The following NRXN3 variants were observed in gnomAD, a reference collection of about 807,000 sequenced individuals.
The protein encoded by NRXN3 is neurexin 3.
In NRXN3, 32 loss-of-function variants were observed where a neutral mutation model predicts 137.6. The observed-to-expected ratio is 0.23, with a 90% confidence interval of 0.18 to 0.31. The LOEUF (loss-of-function observed/expected upper bound fraction) is 0.31, where lower values mean the gene tolerates loss of function less well. Ranked by LOEUF, NRXN3 falls within the 10% of genes least tolerant of loss-of-function variation. NRXN3 has a pLI of 1.00. For synonymous variants in NRXN3, 798 were observed against 784.5 expected (o/e 1.02, Z -0.29); for missense variants, 1,574 against 2,062.5 (o/e 0.76, Z 4.59).
At chr14:79,121,937 T>TTTTG (rs554447646) in intron 15 of NRXN3, among the ~76,000 whole-genome samples, 1 of 152,206 alleles carries the variant, frequency 6.6e-6, no homozygotes, top group East Asian at 1.9e-4. Context: ...TTTAGTATTT[T>TTTTG]TTTGTTTGTT....
chr14:79,690,029 A>G (rs367612140), intron 17 of NRXN3, among the ~76,000 whole-genome samples: 131 of 152,294 alleles, frequency 8.6e-4, no homozygotes, highest in African/African-American at 2.9e-3. Flanking sequence ...TGTGTAGCCA[A>G]CAATGGCAGA....
At chr14:78,887,470 C>G (rs2099146861) in intron 10 of NRXN3, among the ~76,000 whole-genome samples, 2 of 151,930 alleles carry the variant, frequency 1.3e-5, no homozygotes, top group South Asian at 2.1e-4. Context: ...TTTGCACCAA[C>G]CTGATAACTC....
chr14:78,203,982 G>A (rs749461204), intron 1 of NRXN3, among the ~76,000 whole-genome samples: 7 of 151,958 alleles, frequency 4.6e-5, no homozygotes, highest in Non-Finnish European at 7.4e-5. Context: ...ATGTGAGCTT[G>A]TTACTGTGCC....
chr14:79,525,196 A>G (rs533136578), intron 16 of NRXN3, among the ~76,000 whole-genome samples: 1 of 152,112 alleles, frequency 6.6e-6, no homozygotes, highest in Non-Finnish European at 1.5e-5. Context: ...GGTCAGAAAA[A>G]CTTTTGCTTC....
chr14:79,115,152 C>T (rs1283409799), intron 15 of NRXN3, among the ~76,000 whole-genome samples: 1 of 151,814 alleles, frequency 6.6e-6, no homozygotes, highest in Non-Finnish European at 1.5e-5. Flanking sequence ...ATGGAGAAAC[C>T]CCGTCTCTAC....
At chr14:78,440,159 G>T (rs1238439683) in intron 4 of NRXN3, among the ~76,000 whole-genome samples, 1 of 152,246 alleles carries the variant, frequency 6.6e-6, no homozygotes, top group Non-Finnish European at 1.5e-5. Context: ...TACGTGAGTT[G>T]TGTGTCTTCC....
At chr14:78,351,782 CTTTTTT>C (rs11423743) in intron 4 of NRXN3, among the ~76,000 whole-genome samples, 1 of 127,868 alleles carries the variant, frequency 7.8e-6, no homozygotes, top group Non-Finnish European at 1.6e-5. Context: ...TGGTATTTTT[CTTTTTT>C]TTTTTTTTTT....
At chr14:79,387,401 A>G (rs2094667906) in intron 15 of NRXN3, among the ~76,000 whole-genome samples, 1 of 152,110 alleles carries the variant, frequency 6.6e-6, no homozygotes, top group South Asian at 2.1e-4. Flanking sequence ...AACCACAATG[A>G]GATACCATCT....
intron 1 of NRXN3, among the ~76,000 whole-genome samples, chr14:78,223,366 T>C (rs769860726): frequency 2.0e-5 from 3 of 152,260 alleles, no homozygotes; most frequent in Non-Finnish European, 4.4e-5. Flanking sequence ...GGACTGGTTT[T>C]CTATGGAGCA....
At chr14:79,269,057 T>C (rs2153422333) in intron 15 of NRXN3, among the ~76,000 whole-genome samples, 1 of 152,092 alleles carries the variant, frequency 6.6e-6, no homozygotes, top group Non-Finnish European at 1.5e-5. Flanking sequence ...TTTTATTTTA[T>C]TTTATTTTTT....
chr14:78,906,905 T>A (rs1458637781), intron 10 of NRXN3, among the ~76,000 whole-genome samples: 7 of 152,000 alleles, frequency 4.6e-5, no homozygotes, highest in Non-Finnish European at 1.0e-4. Flanking sequence ...TAACTGTGAC[T>A]TGGGGCATGT....
intron 1 of NRXN3, among the ~76,000 whole-genome samples, chr14:78,231,775 T>C (rs1463053743): frequency 1.3e-5 from 2 of 152,248 alleles, no homozygotes; most frequent in African/African-American, 4.8e-5. Flanking sequence ...TGACTTCACG[T>C]GTACCATACT....
intron 5 of NRXN3, chr14:78,649,231 A>C (rs1265273382): frequency 3.0e-6 from 4 of 1,332,332 alleles, no homozygotes; most frequent in Admixed American, 2.2e-5. Context: ...TTCTGTTCAC[A>C]ATTTTTAATT....
intron 15 of NRXN3, among the ~76,000 whole-genome samples, chr14:79,128,618 G>T (rs1460648412): frequency 6.6e-6 from 1 of 152,072 alleles, no homozygotes; most frequent in Non-Finnish European, 1.5e-5. Context: ...TGTTCATCAA[G>T]GATATTGGTC....
chr14:79,834,335 C>A (rs143706889), intron 20 of NRXN3, among the ~76,000 whole-genome samples: 1 of 152,030 alleles, frequency 6.6e-6, no homozygotes, highest in South Asian at 2.1e-4. Context: ...TCCCTTCTTC[C>A]GATAACAGAT....
intron 16 of NRXN3, among the ~76,000 whole-genome samples, chr14:79,499,771 G>T (rs2096801241): frequency 6.6e-6 from 1 of 152,100 alleles, no homozygotes; most frequent in Non-Finnish European, 1.5e-5. Flanking sequence ...CCCTAATCTA[G>T]GGGACTAGAA....
intron 8 of NRXN3, among the ~76,000 whole-genome samples, chr14:78,742,141 G>A (rs1039295566): frequency 1.3e-5 from 2 of 152,138 alleles, no homozygotes; most frequent in African/African-American, 4.8e-5. Flanking sequence ...GAAACTAATG[G>A]TATTTGGCAA....
chr14:79,387,999 T>C (rs1372816182), intron 15 of NRXN3, among the ~76,000 whole-genome samples: 2 of 150,458 alleles, frequency 1.3e-5, no homozygotes, highest in Admixed American at 6.6e-5. Context: ...ATATAGCTAA[T>C]GTAAATGACG....
intron 15 of NRXN3, among the ~76,000 whole-genome samples, chr14:79,438,784 C>G (rs2095883398): frequency 6.6e-6 from 1 of 152,144 alleles, no homozygotes; most frequent in Non-Finnish European, 1.5e-5. Flanking sequence ...TTGTTTATGC[C>G]ATTTGTGCAT....
Sources: gnomAD v4.1 joint callset for allele counts (sites outside exome capture counted in the v4.1 genomes callset) on GRCh38, gnomAD v4.1.1 for gene constraint, MANE v1.5 for transcripts, NCBI Gene and HGNC (gene_info 2026-07-23, HGNC 2026-07-21) for gene names.